HOXC13: variants seen among roughly 807,000 people sequenced by gnomAD.
The protein encoded by HOXC13 is homeobox protein Hox-C13.
Under a neutral mutation model 25.9 loss-of-function variants are expected in HOXC13, and 10 were observed. The observed-to-expected ratio is 0.39, with a 90% CI of 0.24 to 0.65. HOXC13 has a LOEUF of 0.65. Among genes scored for constraint, HOXC13 ranks in the 30% least tolerant of loss-of-function variants. The pLI is 0.50. For missense variants in HOXC13, 439 were observed against 478.3 expected, an observed-to-expected ratio of 0.92 and a Z score of 0.77; for synonymous variants, 233 against 217.1, an observed-to-expected ratio of 1.07 and a Z score of -0.64.
chr12:53,942,966 G>A (rs1345700593), intron 1 of HOXC13, among the ~76,000 whole-genome samples: 4 of 152,182 alleles, frequency 2.6e-5, no homozygotes, highest in Non-Finnish European at 5.9e-5. Context: ...AGTTTAAAGA[G>A]AGTAAAGTAA....
In HOXC13 at chr12:53,939,030, G is replaced by T. The variant is rs759319078; in HGVS notation, c.124G>T (p.Ala42Ser). The change falls in exon 1 of 2, where the codon GCG becomes TCG. Residue 42 changes from alanine (A) to serine (S), a missense_variant. Ala to Ser is a moderately conservative substitution (Grantham distance 99, BLOSUM62 1). Transcript: ENST00000243056. The surrounding 1 kb of genome is among the most constrained non-coding windows in gnomAD (Gnocchi z 6.7). ...AGGAGGAGGCGGCGGCACGGGCGGA[G>T]CGGGGGGTGGCTGCAGCGGAGCGAG... Reference protein sequence around the residue: ...GGGGGGGTGGAGGGCSGASPG... With the variant: ...GGGGGGGTGGSGGGCSGASPG... 22 of 1,470,148 alleles carry T rather than the reference G, an allele frequency of 1.5e-5. No individual in the cohort carries two copies. The highest frequency in any genetic ancestry group is 2.0e-5 in the Non-Finnish European group (22 of 1,118,858). The allele number at this position is 1,470,148 out of a possible 1,614,324, so 91.1% of individuals were successfully genotyped here. A position where few individuals can be genotyped will look rare whatever the true frequency, so the allele number is the denominator to read the frequency against.
intron 1 of HOXC13, among the ~76,000 whole-genome samples, chr12:53,943,953 G>C (rs1280767897): frequency 6.6e-6 from 1 of 152,204 alleles, no homozygotes; most frequent in Non-Finnish European, 1.5e-5. Flanking sequence ...TTTATTGACA[G>C]GGATGAGGGT....
chr12:53,945,271 C>G lies in HOXC13; in HGVS notation c.*15C>G. Reference sequence around the variant, plus strand: ...ACTCCACCTGACCACCCACCCGCTGCTTGCCCCATCTATTTATGTCTCCGC... The same window carrying G: ...ACTCCACCTGACCACCCACCCGCTGGTTGCCCCATCTATTTATGTCTCCGC... On this transcript the variant is annotated 3_prime_UTR_variant, in exon 2 of 2. Transcript: ENST00000243056. The surrounding 1 kb of genome is among the most constrained non-coding windows in gnomAD (Gnocchi z 4.4). The G allele has an allele frequency of 1.2e-6, 2 of 1,613,216 alleles. No homozygotes were observed. The highest frequency in any genetic ancestry group is 1.7e-6 in the Non-Finnish European group (2 of 1,179,394).
At position 53,946,054 on chromosome 12, in the gene HOXC13, C is replaced by T. The variant is rs1435601345; in HGVS notation, c.*798C>T. The T allele has an allele frequency of 4.3e-6, 1 of 231,294 alleles. No individual in the cohort carries two copies. Among genetic ancestry groups the T allele is most frequent in the East Asian group, 6.1e-5 (1 of 16,346 alleles). 14.3% of individuals were successfully genotyped at this position (231,294 alleles called of 1,614,324 possible). ...AATAGGGCTCCTCTCTCCTCTCTCT[C>T]TCTCTAGGTGGTAAGGTTGGGGATT... On this transcript the variant is annotated 3_prime_UTR_variant, in exon 2 of 2. Transcript: ENST00000243056.
chr12:53,938,994 G>T lies in HOXC13; in HGVS notation c.88G>T (p.Gly30Cys). 1.3e-6 allele frequency: 2 copies of T among 1,503,456 alleles called. No individual in the cohort carries two copies. Among genetic ancestry groups the T allele is most frequent in the Non-Finnish European group, 1.8e-6 (2 of 1,132,666 alleles). The allele number at this position is 1,503,456 out of a possible 1,614,324, so 93.1% of individuals were successfully genotyped here. A position where few individuals can be genotyped will look rare whatever the true frequency, so the allele number is the denominator to read the frequency against. The change falls in exon 1 of 2, where the codon GGC (glycine) becomes TGC (cysteine). Residue 30 changes from glycine (G) to cysteine (C), a missense_variant. Coordinates refer to ENST00000243056, the MANE Select transcript of HOXC13 (RefSeq NM_017410.3). ...CAGCGCGGCGGAGAGCGGCATCGGCGGCGGCGGCGGAGGAGGAGGCGGCGG... is the reference window on the plus strand; with the variant it reads ...CAGCGCGGCGGAGAGCGGCATCGGCTGCGGCGGCGGAGGAGGAGGCGGCGG... ...EDSAAESGIG[G>C]GGGGGGGGTG...
chr12:53,938,941 C>T lies in HOXC13; in HGVS notation c.35C>T (p.Pro12Leu), dbSNP rs1329406375. The part of the protein sequence containing the change: ...TTSLLLHPRW[P>L]ESLMYVYEDS... ...TCGCTGCTCCTGCATCCACGCTGGC[C>T]GGAGAGCCTTATGTACGTCTATGAG... Residue 12 changes from proline (P) to leucine (L), a missense_variant, in exon 1 of 2, where the codon CCG (proline) becomes CTG (leucine). Pro to Leu is a moderately conservative substitution (Grantham distance 98). Transcript: ENST00000243056. The T allele has an allele frequency of 1.3e-6, 2 of 1,560,092 alleles. No homozygotes were observed. Among genetic ancestry groups the T allele is most frequent in the Non-Finnish European group, 8.6e-7 (1 of 1,160,066 alleles).
chr12:53,939,721 A>ACC lies in HOXC13; in HGVS notation c.736+83_736+84dup, dbSNP rs926743185. ...TGCCCCGGGGCTCCGCGCCCCAACC[A>ACC]CCCCCGCCGTCTGGCCCCGGCGCGC... On this transcript the variant is annotated intron_variant, in intron 1 of 1. Transcript: ENST00000243056. This position sits in a 1 kb window ranked among gnomAD's most constrained non-coding sequence, Gnocchi z 6.7. 113 of 1,246,218 alleles carry ACC rather than the reference A, an allele frequency of 9.1e-5. No individual in the cohort carries two copies. The highest frequency in any genetic ancestry group is 1.1e-4 in the Non-Finnish European group (106 of 994,078). The allele number at this position is 1,246,218 out of a possible 1,614,324, so 77.2% of individuals were successfully genotyped here.
At chr12:53,944,938 G>T (rs1938667892) in intron 1 of HOXC13, 62 bp from the exon 2 acceptor site, 1 of 1,603,502 alleles carries the variant, frequency 6.2e-7, no homozygotes, top group Non-Finnish European at 8.5e-7. Context: ...GGCAGCCTCG[G>T]GTCCTCTATC....
In HOXC13 at chr12:53,944,108, C is replaced by T. The variant is rs1428506441; in HGVS notation, c.737-892C>T. On this transcript the variant is annotated intron_variant, in intron 1 of 1. Coordinates refer to ENST00000243056, the MANE Select transcript of HOXC13 (RefSeq NM_017410.3). ...TTATGGTTGGTGCAAGGGATGTAGA[C>T]AGTTTCCTTCAGCTGTGAAGGAATG... Among the ~76,000 whole-genome samples the T allele has an allele frequency of 2.0e-5, 3 of 152,142 alleles. No homozygotes were observed. In the East Asian group the frequency reaches 5.8e-4, roughly 29 times the overall value.
Position 53,939,414 on chromosome 12 carries a change from A to G in HOXC13, c.508A>G (p.Lys170Glu), listed in dbSNP as rs1260444608. 8 of 1,604,732 alleles carry G rather than the reference A, an allele frequency of 5.0e-6. No individual in the cohort carries two copies. The highest frequency in any genetic ancestry group is 6.8e-6 in the Non-Finnish European group (8 of 1,177,664). Residue 170 changes from lysine to glutamate, a missense_variant, in exon 1 of 2, where the codon AAG becomes GAG. Coordinates refer to ENST00000243056, the MANE Select transcript of HOXC13 (RefSeq NM_017410.3). This position sits in a 1 kb window ranked among gnomAD's most constrained non-coding sequence, Gnocchi z 6.7. ...LPGDDLSSRA[K>E]EFAFYPSFAS... ...CGGTGACGACCTGTCCTCTAGGGCC[A>G]AGGAGTTCGCCTTCTACCCCAGCTT...
chr12:53,946,058 C>G lies in HOXC13; in HGVS notation c.*802C>G. 1 of 230,390 alleles carries G rather than the reference C, an allele frequency of 4.3e-6. No homozygotes were observed. Among genetic ancestry groups the G allele is most frequent in the Non-Finnish European group, 8.6e-6 (1 of 116,230 alleles). 14.3% of individuals were successfully genotyped at this position (230,390 alleles called of 1,614,324 possible). A position where few individuals can be genotyped will look rare whatever the true frequency, so the allele number is the denominator to read the frequency against. On this transcript the variant is annotated 3_prime_UTR_variant, in exon 2 of 2. Transcript: ENST00000243056. ...GGGCTCCTCTCTCCTCTCTCTCTCT[C>G]TAGGTGGTAAGGTTGGGGATTAGTC...
In HOXC13 at chr12:53,945,523, A is replaced by T. The variant is rs1253362433; in HGVS notation, c.*267A>T. 5.7e-6 allele frequency: 3 copies of T among 524,226 alleles called. No homozygotes were observed. The East Asian group carries it at 9.6e-5, about 17-fold the overall frequency. The allele number at this position is 524,226 out of a possible 1,614,324, so 32.5% of individuals were successfully genotyped here. A position where few individuals can be genotyped will look rare whatever the true frequency, so the allele number is the denominator to read the frequency against. On this transcript the variant is annotated 3_prime_UTR_variant, in exon 2 of 2. Transcript: ENST00000243056. The surrounding 1 kb of genome is among the most constrained non-coding windows in gnomAD (Gnocchi z 4.4). ...GGGTCCCGAGTGGGCCGTGCGAGGA[A>T]GGCTGTCGACCTCTACTCCTCCTTG...
At chr12:53,943,989 A>T (rs1290731528) in intron 1 of HOXC13, among the ~76,000 whole-genome samples, 1 of 152,166 alleles carries the variant, frequency 6.6e-6, no homozygotes, top group Non-Finnish European at 1.5e-5. Context: ...GTTAGAAGTG[A>T]TATATATTGG....
chr12:53,945,975 T>C lies in HOXC13; in HGVS notation c.*719T>C, dbSNP rs930308754. 4 of 231,746 alleles carry C rather than the reference T, an allele frequency of 1.7e-5. No individual in the cohort carries two copies. The highest frequency in any genetic ancestry group is 2.6e-5 in the Non-Finnish European group (3 of 117,248). 14.4% of individuals were successfully genotyped at this position (231,746 alleles called of 1,614,324 possible). The stretch of plus-strand genomic sequence containing the variant: ...CCCCACTGCCTCCCCTGTTCTGCTC[T>C]CTCAGTCAACATGTGGAAATCCAAG... On this transcript the variant is annotated 3_prime_UTR_variant, in exon 2 of 2. Coordinates refer to ENST00000243056, the MANE Select transcript of HOXC13 (RefSeq NM_017410.3). The surrounding 1 kb of genome is among the most constrained non-coding windows in gnomAD (Gnocchi z 4.4).
chr12:53,938,845 T>C lies in HOXC13; in HGVS notation c.-62T>C. 2 of 1,372,692 alleles carry C rather than the reference T, an allele frequency of 1.5e-6. No individual in the cohort carries two copies. The highest frequency in any genetic ancestry group is 2.8e-5 in the South Asian group (2 of 71,316). The allele number at this position is 1,372,692 out of a possible 1,614,324, so 85.0% of individuals were successfully genotyped here. On this transcript the variant is annotated 5_prime_UTR_variant, in exon 1 of 2. Transcript: ENST00000243056. ...GGGGGGAGGGGAAACAGGAGCGAGG[T>C]GTCTCCCTAGCTCGCTGCCTCTGGC...
At position 53,945,772 on chromosome 12, in the gene HOXC13, C is replaced by A; in HGVS notation, c.*516C>A. On this transcript the variant is annotated 3_prime_UTR_variant, in exon 2 of 2. Transcript: ENST00000243056. The surrounding 1 kb of genome is among the most constrained non-coding windows in gnomAD (Gnocchi z 4.4). ...GGCAAGATTTCCCAGTAAAGATTTT[C>A]TGTGCGTATTTTAAAAGTCGTGTTA... 4.1e-6 allele frequency: 1 copy of A among 243,210 alleles called. No homozygotes were observed. The highest frequency in any genetic ancestry group is 8.2e-6 in the Non-Finnish European group (1 of 122,364). 15.1% of individuals were successfully genotyped at this position (243,210 alleles called of 1,614,324 possible). A position where few individuals can be genotyped will look rare whatever the true frequency, so the allele number is the denominator to read the frequency against.
intron 1 of HOXC13, among the ~76,000 whole-genome samples, chr12:53,943,583 A>AC (rs869097041): frequency 3.4e-5 from 2 of 58,224 alleles, no homozygotes; most frequent in African/African-American, 8.0e-5. Context: ...AGGCCATTGG[A>AC]CCCCGTCTCC....
Position 53,942,154 on chromosome 12 carries a change from C to CTTTTTTTT in HOXC13, c.736+2542_736+2549dup, listed in dbSNP as rs56678098. ...TTTTTCTCCCTACGGTGAGTGTAGA[C>CTTTTTTTT]TTTTTTTTTTTTTTTTTTTTTTTTT... On this transcript the variant is annotated intron_variant, in intron 1 of 1. Transcript: ENST00000243056. Among the ~76,000 whole-genome samples, 14 of 39,338 alleles carry CTTTTTTTT rather than the reference C, an allele frequency of 3.6e-4. 4 individuals carry two copies. Among genetic ancestry groups the CTTTTTTTT allele is most frequent in the African/African-American group, 1.6e-3 (14 of 8,560 alleles). The allele number at this position is 39,338 out of a possible 152,430, so 25.8% of individuals were successfully genotyped here. A position where few individuals can be genotyped will look rare whatever the true frequency, so the allele number is the denominator to read the frequency against.
In HOXC13 at chr12:53,938,867, T is replaced by C; in HGVS notation, c.-40T>C. On this transcript the variant is annotated 5_prime_UTR_variant, in exon 1 of 2. Coordinates refer to ENST00000243056, the MANE Select transcript of HOXC13 (RefSeq NM_017410.3). Reference sequence around the variant, plus strand: ...AGGTGTCTCCCTAGCTCGCTGCCTCTGGCAAGTGGAGTTTTTAAAAAGCTC... The same window carrying C: ...AGGTGTCTCCCTAGCTCGCTGCCTCCGGCAAGTGGAGTTTTTAAAAAGCTC... 1 of 1,509,490 alleles carries C rather than the reference T, an allele frequency of 6.6e-7. No homozygotes were observed. The highest frequency in any genetic ancestry group is 8.8e-7 in the Non-Finnish European group (1 of 1,134,428). The allele number at this position is 1,509,490 out of a possible 1,614,324, so 93.5% of individuals were successfully genotyped here.
Sources: gnomAD v4.1 joint callset for allele counts (sites outside exome capture counted in the v4.1 genomes callset) on GRCh38, gnomAD v4.1.1 for gene constraint, Gnocchi (gnomAD v3.1) non-coding constraint, MANE v1.5 for transcripts, NCBI Gene and HGNC (gene_info 2026-07-23, HGNC 2026-07-21) for gene names.